GRIK2: variants seen among roughly 807,000 people sequenced by gnomAD.
GRIK2 encodes glutamate receptor ionotropic, kainate 2.
A neutral mutation model predicts 100.3 loss-of-function variants in GRIK2; 32 were observed. The observed-to-expected ratio is 0.32, with a 90% confidence interval of 0.24 to 0.43. The LOEUF is 0.43. Among genes scored for constraint, GRIK2 ranks in the 20% least tolerant of loss-of-function variants. The probability of loss-of-function intolerance (pLI) is 1.00; values close to 1 mark genes in which losing one functional copy is unlikely to be tolerated. For synonymous variants in GRIK2, 417 were observed against 389.4 expected (o/e 1.07, Z -0.83); for missense variants, 843 against 1,114.9 (o/e 0.76, Z 3.47).
In GRIK2 at chr6:102,026,664, C is replaced by A. The variant is rs7749722; in HGVS notation, c.2086-8677C>A. ...AATGATACTAAACTTGCTGCCTATC[C>A]TATTATGCTTAGTCACTCTGATTTC... is the stretch of plus-strand genomic sequence containing the variant. On this transcript the variant is annotated intron_variant, in intron 14 of 16. Coordinates refer to ENST00000369134, the MANE Select transcript of GRIK2 (RefSeq NM_021956.5). Among the ~76,000 whole-genome samples the A allele has an allele frequency of 1.1e-4, 16 of 151,010 alleles. No individual in the cohort carries two copies. The East Asian group carries it at 3.0e-3, about 28-fold the overall frequency.
chr6:101,700,609 A>C (rs1363077629), intron 7 of GRIK2, among the ~76,000 whole-genome samples: 1 of 152,136 alleles, frequency 6.6e-6, no homozygotes, highest in East Asian at 1.9e-4. Context: ...ATTATTTCTC[A>C]CTTACAGATG....
At chr6:101,647,548 A>C (rs1047760986) in intron 4 of GRIK2, among the ~76,000 whole-genome samples, 1 of 151,988 alleles carries the variant, frequency 6.6e-6, no homozygotes, top group Admixed American at 6.6e-5. Flanking sequence ...ATAAGGCACA[A>C]GCAGAGATGA....
At chr6:102,001,739 C>T (rs1443584322) in intron 14 of GRIK2, among the ~76,000 whole-genome samples, 3 of 151,916 alleles carry the variant, frequency 2.0e-5, no homozygotes, top group Non-Finnish European at 4.4e-5. Context: ...AGTGTTACTA[C>T]TGTACCTAAA....
intron 14 of GRIK2, among the ~76,000 whole-genome samples, chr6:101,992,724 G>GA (rs1794441410): frequency 6.6e-6 from 1 of 151,558 alleles, no homozygotes; most frequent in African/African-American, 2.4e-5. Flanking sequence ...CTTTTTAAGA[G>GA]AGGCACTTGA....
At chr6:101,836,893 T>C (rs1339563360) in intron 10 of GRIK2, among the ~76,000 whole-genome samples, 1 of 151,908 alleles carries the variant, frequency 6.6e-6, no homozygotes, top group Non-Finnish European at 1.5e-5. Flanking sequence ...CTTGAACTCC[T>C]GACCCTTTGA....
chr6:102,004,393 G>T (rs184493243), intron 14 of GRIK2, among the ~76,000 whole-genome samples: 1 of 150,958 alleles, frequency 6.6e-6, no homozygotes, highest in African/African-American at 2.4e-5. Context: ...AAGCTTTTAG[G>T]ATGTTAGAGA....
chr6:101,456,539 T>C (rs1771018828), intron 2 of GRIK2, among the ~76,000 whole-genome samples: 1 of 152,076 alleles, frequency 6.6e-6, no homozygotes, highest in East Asian at 1.9e-4. Flanking sequence ...TCTATATCCA[T>C]TGTACCTACA....
At chr6:101,834,957 CT>C (rs1185597034) in intron 10 of GRIK2, among the ~76,000 whole-genome samples, 2 of 152,164 alleles carry the variant, frequency 1.3e-5, no homozygotes, top group African/African-American at 4.8e-5. Flanking sequence ...GAGCCATGAT[CT>C]TATCACTGCA....
intron 2 of GRIK2, among the ~76,000 whole-genome samples, chr6:101,514,990 C>G (rs566397043): frequency 2.0e-4 from 30 of 151,932 alleles, no homozygotes; most frequent in Non-Finnish European, 1.0e-4. Flanking sequence ...TTTTAGTGCA[C>G]CCATCACCCA....
At chr6:101,737,677 T>C (rs1292197854) in intron 7 of GRIK2, among the ~76,000 whole-genome samples, 1 of 152,184 alleles carries the variant, frequency 6.6e-6, no homozygotes, top group Non-Finnish European at 1.5e-5. Flanking sequence ...CATGGTATCA[T>C]GGTGAAAAAT....
At chr6:101,444,073 G>T (rs909663701) in intron 2 of GRIK2, among the ~76,000 whole-genome samples, 23 of 133,496 alleles carry the variant, frequency 1.7e-4, no homozygotes, top group South Asian at 4.5e-4. Context: ...GGGTTTTTTT[G>T]TTTGTTTGTT....
intron 2 of GRIK2, among the ~76,000 whole-genome samples, chr6:101,538,197 T>C (rs1360784010): frequency 6.6e-6 from 1 of 151,714 alleles, no homozygotes. Flanking sequence ...TGATGCTCAA[T>C]TGCATCATCC....
chr6:101,407,239 G>A (rs927657422), intron 2 of GRIK2, among the ~76,000 whole-genome samples: 1 of 152,124 alleles, frequency 6.6e-6, no homozygotes, highest in Middle Eastern at 3.4e-3. Context: ...CAGAAGAAAT[G>A]AAATGGGAAC....
chr6:101,431,186 G>A, intron 2 of GRIK2: 1 of 213,968 alleles, frequency 4.7e-6, no homozygotes. Flanking sequence ...GCAGCTCATT[G>A]CAGAGGGTAT....
intron 11 of GRIK2, among the ~76,000 whole-genome samples, chr6:101,878,750 T>A (rs1786041827): frequency 6.6e-6 from 1 of 151,982 alleles, no homozygotes; most frequent in Non-Finnish European, 1.5e-5. Flanking sequence ...TTCTTCATTA[T>A]TTGCTATCTT....
intron 4 of GRIK2, among the ~76,000 whole-genome samples, chr6:101,657,769 A>T (rs1769299164): frequency 6.6e-6 from 1 of 152,202 alleles, no homozygotes; most frequent in South Asian, 2.1e-4. Flanking sequence ...AATTCAACAC[A>T]GGTTGCCTCA....
chr6:101,401,091 A>G (rs77479388), intron 2 of GRIK2, among the ~76,000 whole-genome samples: 258 of 152,298 alleles, frequency 1.7e-3, no homozygotes, highest in African/African-American at 5.6e-3. Flanking sequence ...CAATATTTCG[A>G]GTATTTCATC....
At chr6:102,042,306 G>T (rs943908049) in intron 15 of GRIK2, among the ~76,000 whole-genome samples, 1 of 151,458 alleles carries the variant, frequency 6.6e-6, no homozygotes, top group African/African-American at 2.4e-5. Context: ...CAATCTACAA[G>T]AATTTCATTA....
intron 7 of GRIK2, among the ~76,000 whole-genome samples, chr6:101,735,623 AAC>A (rs1775580305): frequency 6.6e-6 from 1 of 152,162 alleles, no homozygotes. Flanking sequence ...CTATCATGAA[AAC>A]AATATGTGAA....
Sources: gnomAD v4.1 joint callset for allele counts (sites outside exome capture counted in the v4.1 genomes callset) on GRCh38, gnomAD v4.1.1 for gene constraint, MANE v1.5 for transcripts, NCBI Gene and HGNC (gene_info 2026-07-23, HGNC 2026-07-21) for gene names.